Variants in RAD51B observed in about 807,000 individuals in gnomAD.
RAD51B encodes DNA repair protein RAD51 homolog 2.
In RAD51B, 38 loss-of-function variants were observed where a neutral mutation model predicts 42.2. That is an observed-to-expected ratio of 0.90 (90% confidence interval 0.70 to 1.18). The LOEUF (loss-of-function observed/expected upper bound fraction) is 1.18, where lower values mean the gene tolerates loss of function less well. Ranked by LOEUF, RAD51B falls within the 50% of genes most tolerant of loss-of-function variation. RAD51B has a pLI of 0.00. For missense variants in RAD51B, 373 were observed against 400.7 expected, an observed-to-expected ratio of 0.93 and a Z score of 0.59; for synonymous variants, 154 against 145.2, an observed-to-expected ratio of 1.06 and a Z score of -0.43.
intron 4 of RAD51B, among the ~76,000 whole-genome samples, chr14:67,856,099 C>T (rs1349834437): frequency 1.3e-5 from 2 of 152,158 alleles, no homozygotes; most frequent in African/African-American, 2.4e-5. Context: ...TCCCTTAATA[C>T]TGTTTGATTT....
intron 7 of RAD51B, among the ~76,000 whole-genome samples, chr14:68,157,130 G>C (rs541956501): frequency 2.8e-4 from 42 of 152,270 alleles, no homozygotes; most frequent in African/African-American, 9.6e-4. Context: ...CTGGGTGGTT[G>C]AGTCAGCAGT....
chr14:68,162,897 T>G (rs979928060), intron 7 of RAD51B, among the ~76,000 whole-genome samples: 4 of 152,250 alleles, frequency 2.6e-5, no homozygotes, highest in African/African-American at 9.6e-5. Flanking sequence ...AGAAATTTTC[T>G]TCCTGTAAGC....
intron 7 of RAD51B, among the ~76,000 whole-genome samples, chr14:67,961,864 A>C (rs2074675070): frequency 6.6e-6 from 1 of 152,238 alleles, no homozygotes; most frequent in Non-Finnish European, 1.5e-5. Flanking sequence ...AAAGGAAAAG[A>C]GATCGCTGAC....
intron 10 of RAD51B, among the ~76,000 whole-genome samples, chr14:68,489,041 C>T (rs1883862377): frequency 6.6e-6 from 1 of 152,186 alleles, no homozygotes; most frequent in African/African-American, 2.4e-5. Flanking sequence ...ACAACCTCCA[C>T]CTCCCAGGTT....
At chr14:68,428,737 A>AATTAT (rs1269826225) in intron 9 of RAD51B, among the ~76,000 whole-genome samples, 7 of 40,480 alleles carry the variant, frequency 1.7e-4, no homozygotes, top group South Asian at 3.8e-3. Context: ...ATATATATAT[A>AATTAT]TATATATATA....
At chr14:68,590,022 C>G (rs1204838533) in intron 10 of RAD51B, among the ~76,000 whole-genome samples, 1 of 152,178 alleles carries the variant, frequency 6.6e-6, no homozygotes, top group African/African-American at 2.4e-5. Context: ...ACTTCAGACC[C>G]AGCCCATTTC....
chr14:68,553,063 T>C (rs1277090553), intron 10 of RAD51B, among the ~76,000 whole-genome samples: 1 of 152,220 alleles, frequency 6.6e-6, no homozygotes, highest in African/African-American at 2.4e-5. Context: ...TTCCTTCCAG[T>C]CTTTCTTCCT....
intron 7 of RAD51B, among the ~76,000 whole-genome samples, chr14:67,900,990 C>A (rs1474505138): frequency 6.6e-6 from 1 of 152,122 alleles, no homozygotes; most frequent in Non-Finnish European, 1.5e-5. Context: ...ATAAGGCTTG[C>A]AGCCACTGGA....
At chr14:68,144,513 C>T (rs376034962) in intron 7 of RAD51B, among the ~76,000 whole-genome samples, 1 of 152,358 alleles carries the variant, frequency 6.6e-6, no homozygotes, top group East Asian at 1.9e-4. Flanking sequence ...TAAAATCTCA[C>T]ACAGTCATTG....
chr14:68,430,879 C>T (rs1332018425), intron 9 of RAD51B, among the ~76,000 whole-genome samples: 1 of 151,914 alleles, frequency 6.6e-6, no homozygotes, highest in Non-Finnish European at 1.5e-5. Flanking sequence ...ATGATATTGG[C>T]TGTGGGTTTG....
Position 68,153,001 on chromosome 14 carries a change from A to G in RAD51B, c.757-138883A>G, listed in dbSNP as rs144668144. ...TCACATTTTCTTTTTCCAGTCTGCC[A>G]TTTATGGGCATTTAGGTTGATTCCA... On this transcript the variant is annotated intron_variant, in intron 7 of 10. Transcript: ENST00000471583. Among the ~76,000 whole-genome samples, 747 of 152,194 alleles carry G rather than the reference A, an allele frequency of 4.9e-3. 4 individuals are homozygous for G. Among genetic ancestry groups the G allele is most frequent in the African/African-American group, 0.017 (716 of 41,498 alleles).
chr14:68,250,451 G>A (rs1248800134), intron 7 of RAD51B, among the ~76,000 whole-genome samples: 8 of 152,142 alleles, frequency 5.3e-5, no homozygotes, highest in Non-Finnish European at 8.8e-5. Context: ...GAGATATCAA[G>A]CTATACAGTT....
chr14:68,459,028 A>G (rs1007879891), intron 9 of RAD51B, among the ~76,000 whole-genome samples: 7 of 152,220 alleles, frequency 4.6e-5, no homozygotes, highest in African/African-American at 1.7e-4. Flanking sequence ...AATCAGTCTA[A>G]GATCCAACTA....
At chr14:67,834,483 A>C (rs541299717) in intron 3 of RAD51B, among the ~76,000 whole-genome samples, 3 of 151,470 alleles carry the variant, frequency 2.0e-5, no homozygotes, top group Admixed American at 1.3e-4. Flanking sequence ...TGTTCATGTC[A>C]CTCCTTTTTG....
intron 10 of RAD51B, among the ~76,000 whole-genome samples, chr14:68,578,981 G>A (rs1890093455): frequency 6.6e-6 from 1 of 152,176 alleles, no homozygotes; most frequent in South Asian, 2.1e-4. Flanking sequence ...ACCCTTAGTA[G>A]CCTCTTCTCT....
chr14:68,205,159 T>A (rs1384404985), intron 7 of RAD51B, among the ~76,000 whole-genome samples: 2 of 152,186 alleles, frequency 1.3e-5, no homozygotes, highest in African/African-American at 4.8e-5. Context: ...ACTATTCAAT[T>A]TTTTTAAGTT....
At position 68,072,048 on chromosome 14, in the gene RAD51B, TATAA is replaced by T. The variant is rs1267318724; in HGVS notation, c.756+184845_756+184848del. Among the ~76,000 whole-genome samples, 999 of 121,624 alleles carry T rather than the reference TATAA, an allele frequency of 8.2e-3. 7 individuals are homozygous for T. The highest frequency in any genetic ancestry group is 0.017 in the African/African-American group (423 of 24,540). 79.8% of individuals were successfully genotyped at this position (121,624 alleles called of 152,430 possible). On this transcript the variant is annotated intron_variant, in intron 7 of 10. Coordinates refer to ENST00000471583, the MANE Select transcript of RAD51B (RefSeq NM_133510.4). ...AGGTTTTCTAGATTTTATATATATA[TATAA>T]TTATATATATTTATATAAATATATA... is the stretch of plus-strand genomic sequence containing the variant.
chr14:67,901,369 C>A (rs1027864369), intron 7 of RAD51B, among the ~76,000 whole-genome samples: 2 of 152,206 alleles, frequency 1.3e-5, no homozygotes, highest in Admixed American at 1.3e-4. Context: ...TTCTGAGCAA[C>A]ATCCTGGCAT....
chr14:68,469,858 C>T (rs1353294529), intron 10 of RAD51B, among the ~76,000 whole-genome samples: 2 of 152,212 alleles, frequency 1.3e-5, no homozygotes, highest in Admixed American at 6.5e-5. Context: ...GTGATACACG[C>T]ACCCTGATCA....
Sources: gnomAD v4.1 joint callset for allele counts (sites outside exome capture counted in the v4.1 genomes callset) on GRCh38, gnomAD v4.1.1 for gene constraint, MANE v1.5 for transcripts, NCBI Gene and HGNC (gene_info 2026-07-23, HGNC 2026-07-21) for gene names.